CFAP92: variants seen among roughly 807,000 people sequenced by gnomAD.
The protein encoded by CFAP92 is cilia and flagella associated protein 92 (putative), also known as uncharacterized protein CFAP92.
A neutral mutation model predicts 106.3 loss-of-function variants in CFAP92; 86 were observed. The observed-to-expected ratio is 0.81, with a 90% confidence interval of 0.68 to 0.97. CFAP92 has a LOEUF of 0.97. Ranked by LOEUF, CFAP92 falls within the 50% of genes least tolerant of loss-of-function variation. CFAP92 has a pLI of 0.00. For missense variants in CFAP92, 1,204 were observed against 1,283.8 expected (o/e 0.94, Z 0.95); for synonymous variants, 477 against 506.4 (o/e 0.94, Z 0.78).
intron 8 of CFAP92, chr3:128,970,680 T>C (rs1942726261): frequency 6.6e-6 from 1 of 152,556 alleles, no homozygotes; most frequent in African/African-American, 2.4e-5. Context: ...GTAGATCTTA[T>C]AAAGCAAAAT....
intron 9 of CFAP92, among the ~76,000 whole-genome samples, chr3:128,951,281 A>C (rs967487360): frequency 6.6e-6 from 1 of 152,144 alleles, no homozygotes; most frequent in Non-Finnish European, 1.5e-5. Flanking sequence ...TCTAGCTAAC[A>C]GAGTCCCAAA....
At chr3:128,939,327 C>T (rs1236349481) in intron 10 of CFAP92, among the ~76,000 whole-genome samples, 1 of 151,976 alleles carries the variant, frequency 6.6e-6, no homozygotes, top group East Asian at 1.9e-4. Flanking sequence ...TTAGTAGAGA[C>T]GGGTTTTCAC....
chr3:128,987,769 T>C lies in CFAP92; in HGVS notation c.514A>G (p.Ile172Val). The C allele has an allele frequency of 6.2e-7, 1 of 1,613,954 alleles. No individual in the cohort carries two copies. The highest frequency in any genetic ancestry group is 8.5e-7 in the Non-Finnish European group (1 of 1,179,828). ...TTTAATAATTCCTTTGTCACAGTGA[T>C]ATTAAAAGTCTGCTCCCACGACACC... is the stretch of plus-strand genomic sequence containing the variant. Reference protein sequence around the residue: ...AWVSWEQTFNITVTKELLKKI... With the variant: ...AWVSWEQTFNVTVTKELLKKI... The change falls in exon 4 of 16, where the codon ATC (isoleucine) becomes GTC (valine). Residue 172 changes from isoleucine to valine, a missense_variant. Transcript: ENST00000645291.
At chr3:128,983,299 G>C (rs1943642100) in intron 4 of CFAP92, among the ~76,000 whole-genome samples, 1 of 152,194 alleles carries the variant, frequency 6.6e-6, no homozygotes, top group South Asian at 2.1e-4. Flanking sequence ...CAGGCCAGCA[G>C]CCTCCTCCAA....
rs186668677 is a variant in CFAP92 at position 128,943,198 on chromosome 3, G to T, written c.2258+1873C>A. 4.5e-4 allele frequency among the ~76,000 whole-genome samples: 69 copies of T among 152,244 alleles called. 1 individual carries two copies. The highest frequency in any genetic ancestry group is 3.3e-3 in the East Asian group (17 of 5,168). On this transcript the variant is annotated intron_variant, in intron 10 of 15. Transcript: ENST00000645291. The stretch of plus-strand genomic sequence containing the variant: ...CTCCCAAAGTGCTGGGATTCCAGGC[G>T]TGAGCCACTGTGCCCGGCAAAACTC...
At chr3:128,980,351 A>C (rs1943449482) in intron 4 of CFAP92, among the ~76,000 whole-genome samples, 2 of 139,526 alleles carry the variant, frequency 1.4e-5, no homozygotes, top group African/African-American at 5.7e-5. Flanking sequence ...TGGGGGACAG[A>C]GCAAGACCCT....
At chr3:128,928,656 G>A (rs184972200) in intron 12 of CFAP92, among the ~76,000 whole-genome samples, 126 of 152,214 alleles carry the variant, frequency 8.3e-4, no homozygotes, top group African/African-American at 3.0e-3. Context: ...CAAAAAAAAT[G>A]GTTCACAGAT....
chr3:129,024,939 CT>C, the CFAP92 span, among the ~76,000 whole-genome samples: 2 of 152,148 alleles, frequency 1.3e-5, no homozygotes, highest in Admixed American at 1.3e-4. Flanking sequence ...CTGGGCACTA[CT>C]TGCTGGAGCC....
At chr3:128,976,941 C>A (rs1056171791) in intron 6 of CFAP92, 38 bp downstream of exon 6, 13 of 1,519,360 alleles carry the variant, frequency 8.6e-6, no homozygotes, top group Middle Eastern at 1.7e-4. Context: ...ACAAGAGGGG[C>A]TCCACTCCCA....
chr3:128,947,018 CT>C (rs1268786287), intron 9 of CFAP92, among the ~76,000 whole-genome samples: 4 of 152,194 alleles, frequency 2.6e-5, no homozygotes, highest in Non-Finnish European at 4.4e-5. Flanking sequence ...CAGATTTTCT[CT>C]GTAAAACTCT....
intron 10 of CFAP92, among the ~76,000 whole-genome samples, chr3:128,938,509 T>A (rs1205262538): frequency 2.9e-4 from 35 of 121,552 alleles, no homozygotes; most frequent in Non-Finnish European, 4.2e-4. Flanking sequence ...TTTTTTTTTT[T>A]AAGAGATGGA....
intron 9 of CFAP92, among the ~76,000 whole-genome samples, chr3:128,949,343 G>A (rs1000792732): frequency 6.6e-6 from 1 of 152,182 alleles, no homozygotes. Flanking sequence ...ACAAACTGTG[G>A]TACACCCTTG....
At chr3:128,962,564 C>G (rs958313839) in intron 9 of CFAP92, among the ~76,000 whole-genome samples, 20 of 152,060 alleles carry the variant, frequency 1.3e-4, no homozygotes, top group Non-Finnish European at 1.5e-5. Flanking sequence ...CCTTTGCGTC[C>G]TCCTCTTGTA....
chr3:128,952,467 A>G (rs1343215251), intron 9 of CFAP92, among the ~76,000 whole-genome samples: 1 of 152,208 alleles, frequency 6.6e-6, no homozygotes, highest in East Asian at 1.9e-4. Flanking sequence ...ATCACCTGTC[A>G]TACCAGAAAA....
At chr3:128,991,204 T>C (rs1286776812) in intron 2 of CFAP92, among the ~76,000 whole-genome samples, 2 of 152,346 alleles carry the variant, frequency 1.3e-5, no homozygotes, top group East Asian at 3.9e-4. Flanking sequence ...TTTTGGTTGG[T>C]ATTTGCCAGA....
rs975482141 is a variant in CFAP92 at position 128,963,880 on chromosome 3, G to C, written c.1353+1631C>G. On this transcript the variant is annotated intron_variant, in intron 9 of 15. Coordinates refer to ENST00000645291, the MANE Select transcript of CFAP92 (RefSeq NM_001394090.1). ...CCTCCCTTCCCTACACATCAAGCTCGAGGATTTGCCCCCACCCAGGACTGG... is the reference window on the plus strand; with the variant it reads ...CCTCCCTTCCCTACACATCAAGCTCCAGGATTTGCCCCCACCCAGGACTGG... 2.0e-5 allele frequency among the ~76,000 whole-genome samples: 3 copies of C among 151,170 alleles called. No individual in the cohort carries two copies. In the East Asian group the frequency reaches 5.8e-4, roughly 29 times the overall value.
At chr3:128,922,689 G>C (rs1937393310) in intron 12 of CFAP92, among the ~76,000 whole-genome samples, 1 of 152,188 alleles carries the variant, frequency 6.6e-6, no homozygotes, top group African/African-American at 2.4e-5. Context: ...TGCTTCAGAA[G>C]TTTTTCAAAG....
intron 9 of CFAP92, among the ~76,000 whole-genome samples, chr3:128,963,550 C>T (rs998567205): frequency 6.6e-6 from 1 of 152,092 alleles, no homozygotes; most frequent in Non-Finnish European, 1.5e-5. Context: ...TGGCCTCCCA[C>T]ATTATTCCTG....
At position 128,932,733 on chromosome 3, in the gene CFAP92, C is replaced by G; in HGVS notation, c.2718G>C (p.Met906Ile). ...KYLQWRSAMLMKNKDKKHSFI... is the reference protein window; with the variant it reads ...KYLQWRSAMLIKNKDKKHSFI... ...AACTGTGCTTTTTGTCTTTGTTCTT[C>G]ATAAGCATGGCACTCCGCCACTGCA... The change falls in exon 12 of 16, where the codon ATG becomes ATC. Residue 906 changes from methionine (M) to isoleucine (I), a missense_variant. Coordinates refer to ENST00000645291, the MANE Select transcript of CFAP92 (RefSeq NM_001394090.1). 2 of 1,534,654 alleles carry G rather than the reference C, an allele frequency of 1.3e-6. No homozygotes were observed. The highest frequency in any genetic ancestry group is 8.7e-7 in the Non-Finnish European group (1 of 1,146,426).
Sources: allele counts gnomAD v4.1 joint callset (sites outside exome capture counted in the v4.1 genomes callset), GRCh38; gene constraint gnomAD v4.1.1; transcripts MANE v1.5; gene names NCBI Gene and HGNC (gene_info 2026-07-23, HGNC 2026-07-21).